BPI: variants seen among roughly 807,000 people sequenced by gnomAD.
The protein encoded by BPI is bactericidal permeability-increasing protein.
BPI carries 48 observed loss-of-function variants against 57.6 expected under a neutral mutation model. That is an observed-to-expected ratio of 0.83 (90% CI 0.66 to 1.06). The LOEUF is 1.06. Ranked by LOEUF, BPI falls within the 50% of genes least tolerant of loss-of-function variation. BPI has a pLI of 0.00. For missense variants in BPI, 651 were observed against 609.7 expected, an observed-to-expected ratio of 1.07 and a Z score of -0.71; for synonymous variants, 237 against 238.2, an observed-to-expected ratio of 0.99 and a Z score of 0.05.
At chr20:38,312,639 A>G (rs182656836) in intron 5 of BPI, among the ~76,000 whole-genome samples, 11 of 152,350 alleles carry the variant, frequency 7.2e-5, no homozygotes, top group Admixed American at 6.5e-4. Context: ...TCTGTGCTTT[A>G]CAACAATTTC....
chr20:38,311,890 T>G lies in BPI; in HGVS notation c.553T>G (p.Phe185Val), dbSNP rs573509091. Residue 185 changes from phenylalanine (F) to valine (V), a missense_variant, in exon 5 of 15, where the codon TTC becomes GTC. By Grantham distance (50) the Phe-to-Val change is conservative. Transcript: ENST00000642449. Reference sequence around the variant, plus strand: ...CATCTCTAGGTGGCTGATCCAACTCTTCCACAAAAAAATTGAGTCTGCGCT... The same window carrying G: ...CATCTCTAGGTGGCTGATCCAACTCGTCCACAAAAAAATTGAGTCTGCGCT... ...KSKVGWLIQLFHKKIESALRN... is the reference protein window; with the variant it reads ...KSKVGWLIQLVHKKIESALRN... 1 of 1,614,018 alleles carries G rather than the reference T, an allele frequency of 6.2e-7. No individual in the cohort carries two copies. Among genetic ancestry groups the G allele is most frequent in the African/African-American group, 1.3e-5 (1 of 74,984 alleles).
At position 38,334,513 on chromosome 20, in the gene BPI, C is replaced by A; in HGVS notation, c.1336+20C>A. The A allele has an allele frequency of 6.2e-7, 1 of 1,606,856 alleles. No individual in the cohort carries two copies. The highest frequency in any genetic ancestry group is 8.5e-7 in the Non-Finnish European group (1 of 1,173,338). On this transcript the variant is annotated intron_variant, in intron 13 of 14. Transcript: ENST00000642449. ...TTAACGGTAAGGAACTTTGAAGAAA[C>A]CATTCATTTTCAGTCATGGGGGAAG...
intron 3 of BPI, 136 bp from the exon 4 acceptor site, chr20:38,310,355 C>A: frequency 9.5e-7 from 1 of 1,055,540 alleles, no homozygotes; most frequent in Admixed American, 2.5e-5. Context: ...CTTGGGCAAG[C>A]TGCCTCTTCT....
In BPI at chr20:38,311,860, T is replaced by G. The variant is rs961077066; in HGVS notation, c.537-14T>G. 1 of 1,613,668 alleles carries G rather than the reference T, an allele frequency of 6.2e-7. No individual in the cohort carries two copies. The highest frequency in any genetic ancestry group is 1.3e-5 in the African/African-American group (1 of 75,004). Reference sequence around the variant, plus strand: ...CAAAAAGCCTCATCTATGTCCCTACTTGTTCATCTCTAGGTGGCTGATCCA... The same window carrying G: ...CAAAAAGCCTCATCTATGTCCCTACGTGTTCATCTCTAGGTGGCTGATCCA... On this transcript the variant is annotated splice_polypyrimidine_tract_variant and intron_variant, in intron 4 of 14. Transcript: ENST00000642449.
chr20:38,319,013 C>A (rs1255950842), intron 6 of BPI, among the ~76,000 whole-genome samples: 1 of 152,102 alleles, frequency 6.6e-6, no homozygotes, highest in Non-Finnish European at 1.5e-5. Flanking sequence ...GGCAGGCGGA[C>A]CACCTGAGGT....
intron 7 of BPI, among the ~76,000 whole-genome samples, chr20:38,321,018 T>C (rs1173325814): frequency 1.4e-5 from 1 of 71,494 alleles, no homozygotes; most frequent in African/African-American, 5.7e-5. Context: ...AGATGGGAGG[T>C]GGGTGTGTTG....
intron 3 of BPI, 107 bp downstream of exon 3, chr20:38,309,165 A>T: frequency 6.8e-7 from 1 of 1,477,322 alleles, no homozygotes; most frequent in Non-Finnish European, 9.3e-7. Flanking sequence ...GCCTATTACC[A>T]CCTATAGCCA....
intron 4 of BPI, 72 bp downstream of exon 4, chr20:38,310,724 G>A (rs897828000): frequency 1.0e-5 from 16 of 1,549,232 alleles, no homozygotes; most frequent in African/African-American, 4.1e-5. Flanking sequence ...CCTGTATTCC[G>A]AAAACACATC....
Position 38,324,812 on chromosome 20 carries a change from C to T in BPI, c.972C>T (p.Phe324=). 1 of 1,613,190 alleles carries T rather than the reference C, an allele frequency of 6.2e-7. No individual in the cohort carries two copies. Among genetic ancestry groups the T allele is most frequent in the Middle Eastern group, 1.7e-4 (1 of 6,060 alleles). ...CCAAATTTCGACTGACAACCAAGTT[C>T]TTTGGAACCTTCCTACCTGAGGTAT... ...KESKFRLTTK[F]FGTFLPEVAK... is the part of the protein sequence containing the mutation. Residue 324 remains phenylalanine, a synonymous_variant, in exon 9 of 15, where the codon TTC becomes TTT. Transcript: ENST00000642449.
At chr20:38,318,902 G>C (rs896634971) in intron 6 of BPI, among the ~76,000 whole-genome samples, 1 of 152,120 alleles carries the variant, frequency 6.6e-6, no homozygotes, top group African/African-American at 2.4e-5. Context: ...TCCGCTCTCA[G>C]CCTCCCAACA....
intron 5 of BPI, among the ~76,000 whole-genome samples, chr20:38,317,389 A>G (rs552602851): frequency 1.0e-3 from 158 of 152,336 alleles, no homozygotes; most frequent in South Asian, 2.1e-3. Context: ...CTGAGGCCTC[A>G]CCTCAGAAGA....
chr20:38,329,394 G>T (rs1369084020), intron 11 of BPI, among the ~76,000 whole-genome samples: 1 of 152,190 alleles, frequency 6.6e-6, no homozygotes, highest in African/African-American at 2.4e-5. Flanking sequence ...CTTGAGACGA[G>T]CCCCAGAGGT....
intron 3 of BPI, 100 bp from the exon 4 acceptor site, chr20:38,310,391 G>C: frequency 7.1e-7 from 1 of 1,407,636 alleles, no homozygotes. Flanking sequence ...CTCACCTGGA[G>C]TGGGGATAAT....
At chr20:38,307,718 A>G (rs1358454876) in intron 2 of BPI, 37 bp downstream of exon 2, 2 of 1,532,902 alleles carry the variant, frequency 1.3e-6, no homozygotes, top group East Asian at 4.6e-5. Context: ...GATTTGCAGG[A>G]CTTGTAGTGT....
intron 11 of BPI, among the ~76,000 whole-genome samples, chr20:38,330,734 T>A (rs75275838): frequency 6.6e-6 from 1 of 152,224 alleles, no homozygotes; most frequent in African/African-American, 2.4e-5. Context: ...GCAGAAGTCC[T>A]GGGACTGACT....
Position 38,334,469 on chromosome 20 carries a change from A to G in BPI, c.1312A>G (p.Ile438Val), listed in dbSNP as rs1431103033. The part of the protein sequence containing the change: ...LQDIMNYIVP[I>V]LVLPRVNEKL... The stretch of plus-strand genomic sequence containing the variant: ...GGATATCATGAACTACATTGTACCC[A>G]TTCTTGTGCTGCCCAGGGTTAACGG... The change falls in exon 13 of 15, where the codon ATT becomes GTT. Residue 438 changes from isoleucine to valine, a missense_variant. Physicochemically the swap from Ile to Val is conservative, Grantham distance 29 (BLOSUM62 3). Transcript: ENST00000642449. 4 of 1,613,872 alleles carry G rather than the reference A, an allele frequency of 2.5e-6. No individual in the cohort carries two copies. The highest frequency in any genetic ancestry group is 1.1e-5 in the South Asian group (1 of 91,074).
chr20:38,318,618 C>A, intron 6 of BPI, 142 bp downstream of exon 6: 2 of 878,692 alleles, frequency 2.3e-6, no homozygotes, highest in South Asian at 1.4e-5. Context: ...ACATTATTTT[C>A]AAGAGGCAGC....
chr20:38,330,601 C>A (rs1010317970), intron 11 of BPI, among the ~76,000 whole-genome samples: 1 of 152,236 alleles, frequency 6.6e-6, no homozygotes, highest in Admixed American at 6.5e-5. Context: ...CATCTCTTGG[C>A]TTTGCTATCC....
At position 38,320,172 on chromosome 20, in the gene BPI, T is replaced by C. The variant is rs1017009926; in HGVS notation, c.665-11T>C. 2 of 1,611,156 alleles carry C rather than the reference T, an allele frequency of 1.2e-6. No homozygotes were observed. Among genetic ancestry groups the C allele is most frequent in the East Asian group, 2.2e-5 (1 of 44,850 alleles). The stretch of plus-strand genomic sequence containing the variant: ...GGGAGCCAGCTCATGGTCCATTTTC[T>C]TTCTCTCTAGTAATGACCAAAATAG... On this transcript the variant is annotated splice_polypyrimidine_tract_variant and intron_variant, in intron 6 of 14. Transcript: ENST00000642449.
Sources: gnomAD v4.1 joint callset for allele counts (sites outside exome capture counted in the v4.1 genomes callset) on GRCh38, gnomAD v4.1.1 for gene constraint, MANE v1.5 for transcripts, NCBI Gene and HGNC (gene_info 2026-07-23, HGNC 2026-07-21) for gene names.